PDE4D: variants seen among roughly 807,000 people sequenced by gnomAD.
PDE4D encodes 3',5'-cyclic-AMP phosphodiesterase 4D.
In PDE4D, 24 loss-of-function variants were observed where a neutral mutation model predicts 87.4. The observed-to-expected ratio is 0.27, with a 90% CI of 0.20 to 0.39. The LOEUF is 0.39. PDE4D is among the 10% of genes least tolerant of loss of function. PDE4D has a pLI of 1.00. For missense variants in PDE4D, 714 were observed against 1,041.0 expected, an observed-to-expected ratio of 0.69 and a Z score of 4.32; for synonymous variants, 384 against 383.2, an observed-to-expected ratio of 1.00 and a Z score of -0.02.
chr5:59,580,589 C>T (rs1823938913), intron 1 of PDE4D, among the ~76,000 whole-genome samples: 1 of 152,000 alleles, frequency 6.6e-6, no homozygotes, highest in South Asian at 2.1e-4. Flanking sequence ...ACCTTAGCCT[C>T]CCTGAGTAAC....
intron 5 of PDE4D, among the ~76,000 whole-genome samples, chr5:59,143,282 A>T (rs1163993314): frequency 1.3e-5 from 2 of 151,418 alleles, no homozygotes; most frequent in Non-Finnish European, 2.9e-5. Flanking sequence ...CTACACTTTT[A>T]TTCAAACACA....
chr5:59,624,435 C>A (rs140009271), intron 1 of PDE4D, among the ~76,000 whole-genome samples: 1 of 152,248 alleles, frequency 6.6e-6, no homozygotes, highest in East Asian at 1.9e-4. Context: ...TTTGCTTTAC[C>A]CCTTTAAGCT....
chr5:59,145,241 C>T (rs868049695), intron 5 of PDE4D, among the ~76,000 whole-genome samples: 3 of 152,000 alleles, frequency 2.0e-5, no homozygotes, highest in Non-Finnish European at 4.4e-5. Context: ...CCTGGAGGTC[C>T]AGTGATTTTT....
intron 1 of PDE4D, among the ~76,000 whole-genome samples, chr5:60,244,674 A>C (rs191718398): frequency 6.3e-4 from 96 of 152,154 alleles, no homozygotes; most frequent in African/African-American, 2.2e-3. Context: ...ATTTTCAACA[A>C]CAATGCCAAG....
chr5:60,047,715 G>C (rs1386996528), intron 2 of PDE4D, among the ~76,000 whole-genome samples: 1 of 152,190 alleles, frequency 6.6e-6, no homozygotes, highest in Non-Finnish European at 1.5e-5. Context: ...TAGTTTGATT[G>C]CACTGTGGTC....
intron 2 of PDE4D, among the ~76,000 whole-genome samples, chr5:60,063,745 T>C (rs1273997415): frequency 1.3e-5 from 2 of 152,050 alleles, no homozygotes; most frequent in Non-Finnish European, 2.9e-5. Flanking sequence ...TTTTGATGGA[T>C]AAAGAGGTAG....
chr5:59,384,987 T>A (rs1308450908), intron 1 of PDE4D, among the ~76,000 whole-genome samples: 1 of 152,186 alleles, frequency 6.6e-6, no homozygotes, highest in African/African-American at 2.4e-5. Flanking sequence ...CGGCTCAACT[T>A]CTGTTTTGCT....
At chr5:59,762,880 T>TATAG (rs1487638311) in intron 1 of PDE4D, among the ~76,000 whole-genome samples, 6 of 133,006 alleles carry the variant, frequency 4.5e-5, no homozygotes, top group African/African-American at 1.7e-4. Flanking sequence ...TATATATATA[T>TATAG]ATATATATAT....
intron 5 of PDE4D, among the ~76,000 whole-genome samples, chr5:59,106,906 T>C (rs1402847630): frequency 6.6e-6 from 1 of 152,262 alleles, no homozygotes; most frequent in African/African-American, 2.4e-5. Flanking sequence ...ATTGTTGTTT[T>C]ATGCTGGTAG....
intron 3 of PDE4D, among the ~76,000 whole-genome samples, chr5:59,953,402 T>G (rs1471855406): frequency 6.6e-6 from 1 of 152,150 alleles, no homozygotes; most frequent in African/African-American, 2.4e-5. Context: ...ATGAAACAAT[T>G]AGACTATTAT....
chr5:60,393,700 CTT>C (rs1318559754), intron 1 of PDE4D, among the ~76,000 whole-genome samples: 2 of 152,204 alleles, frequency 1.3e-5, no homozygotes, highest in Non-Finnish European at 2.9e-5. Context: ...TTCACTCAAA[CTT>C]AATACTGCAA....
chr5:59,602,349 A>C (rs1052713337), intron 1 of PDE4D, among the ~76,000 whole-genome samples: 2 of 152,062 alleles, frequency 1.3e-5, no homozygotes, highest in African/African-American at 4.8e-5. Flanking sequence ...CTTTTCCTTT[A>C]AGATCCAGAG....
chr5:59,686,484 T>C lies in PDE4D; in HGVS notation c.455+206684A>G, dbSNP rs1302645360. On this transcript the variant is annotated intron_variant, in intron 1 of 14. Coordinates refer to ENST00000340635, the MANE Select transcript of PDE4D (RefSeq NM_001104631.2). Reference sequence around the variant, plus strand: ...TTTATGCTATATTGCCAAAACCCACTGGGAAATAAAGATATATATCATTAC... The same window carrying C: ...TTTATGCTATATTGCCAAAACCCACCGGGAAATAAAGATATATATCATTAC... Among the ~76,000 whole-genome samples the C allele has an allele frequency of 5.3e-5, 8 of 152,066 alleles. No homozygotes were observed. The East Asian group carries it at 1.5e-3, about 29-fold the overall frequency.
intron 3 of PDE4D, among the ~76,000 whole-genome samples, chr5:59,978,214 A>C (rs1761538462): frequency 6.6e-6 from 1 of 152,210 alleles, no homozygotes; most frequent in Non-Finnish European, 1.5e-5. Flanking sequence ...GCTATGATAG[A>C]CACTTATTTC....
At chr5:60,066,491 T>C (rs1277186407) in intron 2 of PDE4D, among the ~76,000 whole-genome samples, 1 of 152,068 alleles carries the variant, frequency 6.6e-6, no homozygotes, top group African/African-American at 2.4e-5. Context: ...GAAAGTGAAA[T>C]GAAATAATCA....
At chr5:60,430,287 C>G (rs1744111065) in intron 1 of PDE4D, 1 of 483,758 alleles carries the variant, frequency 2.1e-6, no homozygotes, top group African/African-American at 2.0e-5. Context: ...TCTGCCGGGC[C>G]CAAGTTGGAA....
chr5:59,388,513 G>A (rs1244055065), intron 1 of PDE4D, among the ~76,000 whole-genome samples: 1 of 151,924 alleles, frequency 6.6e-6, no homozygotes, highest in Non-Finnish European at 1.5e-5. Context: ...AGTGAAATCA[G>A]TGTGTCAAAA....
intron 1 of PDE4D, among the ~76,000 whole-genome samples, chr5:60,207,571 T>C (rs893636679): frequency 5.3e-5 from 8 of 152,242 alleles, no homozygotes; most frequent in African/African-American, 1.9e-4. Context: ...TAAAAAGATG[T>C]TCAGAATTTC....
At chr5:59,026,415 C>T (rs1488417267) in intron 6 of PDE4D, among the ~76,000 whole-genome samples, 4 of 152,174 alleles carry the variant, frequency 2.6e-5, no homozygotes, top group Admixed American at 6.5e-5. Context: ...TAAAAAACAG[C>T]ATTTGCATTA....
Sources: gnomAD v4.1 joint callset for allele counts (sites outside exome capture counted in the v4.1 genomes callset) on GRCh38, gnomAD v4.1.1 for gene constraint, MANE v1.5 for transcripts, NCBI Gene and HGNC (gene_info 2026-07-23, HGNC 2026-07-21) for gene names.